CFAP299: variants seen among roughly 807,000 people sequenced by gnomAD.
CFAP299 encodes the protein cilia and flagella associated protein 299.
Under a neutral mutation model 27.0 loss-of-function variants are expected in CFAP299, and 21 were observed. That is an observed-to-expected ratio of 0.78 (90% confidence interval 0.55 to 1.12). The LOEUF is 1.12. CFAP299 is among the 50% of genes most tolerant of loss of function. CFAP299 has a pLI of 0.00. For synonymous variants in CFAP299, 104 were observed against 98.1 expected, an observed-to-expected ratio of 1.06 and a Z score of -0.36; for missense variants, 310 against 276.6, an observed-to-expected ratio of 1.12 and a Z score of -0.86.
At chr4:80,786,679 G>A (rs1727264129) in intron 3 of CFAP299, among the ~76,000 whole-genome samples, 1 of 151,994 alleles carries the variant, frequency 6.6e-6, no homozygotes, top group Non-Finnish European at 1.5e-5. Flanking sequence ...GTTTTTTACT[G>A]GAATCCTATC....
chr4:80,374,310 T>A (rs1560535727), intron 2 of CFAP299, among the ~76,000 whole-genome samples: 1 of 152,194 alleles, frequency 6.6e-6, no homozygotes, highest in East Asian at 1.9e-4. Flanking sequence ...TATTCCTTTT[T>A]TTCTTATCAG....
At chr4:80,661,419 T>C (rs111777489) in intron 3 of CFAP299, among the ~76,000 whole-genome samples, 10,546 of 151,980 alleles carry the variant, frequency 0.069, 821 homozygotes, top group African/African-American at 0.19. Flanking sequence ...ATTGTGAAGA[T>C]TTCATAGACA....
In CFAP299 at chr4:80,947,090, G is replaced by A. The variant is rs371195709; in HGVS notation, c.606+2151G>A. ...GAATGTGAACTGTTGCTTAAACATCGTTCAAATAATTTTAACTCAAACTCA... is the reference window on the plus strand; with the variant it reads ...GAATGTGAACTGTTGCTTAAACATCATTCAAATAATTTTAACTCAAACTCA... On this transcript the variant is annotated intron_variant, in intron 5 of 5. Transcript: ENST00000358105. Among the ~76,000 whole-genome samples the A allele has an allele frequency of 1.3e-4, 20 of 152,150 alleles. No individual in the cohort carries two copies. The South Asian group carries it at 1.9e-3, about 14-fold the overall frequency.
At chr4:80,726,877 ATG>A (rs1224232604) in intron 3 of CFAP299, among the ~76,000 whole-genome samples, 1 of 151,700 alleles carries the variant, frequency 6.6e-6, no homozygotes, top group Non-Finnish European at 1.5e-5. Flanking sequence ...GGATACAGGT[ATG>A]TGTTTATCAA....
At chr4:80,527,831 A>G (rs1259063304) in intron 2 of CFAP299, among the ~76,000 whole-genome samples, 1 of 152,184 alleles carries the variant, frequency 6.6e-6, no homozygotes, top group Non-Finnish European at 1.5e-5. Flanking sequence ...TATATAAAGA[A>G]AAGAATTGAT....
intron 2 of CFAP299, among the ~76,000 whole-genome samples, chr4:80,477,549 C>T (rs1470687426): frequency 1.3e-5 from 2 of 152,196 alleles, no homozygotes; most frequent in African/African-American, 4.8e-5. Flanking sequence ...TCTTATCCCA[C>T]GATCACACCT....
intron 3 of CFAP299, among the ~76,000 whole-genome samples, chr4:80,765,098 A>G (rs1451081606): frequency 6.6e-6 from 1 of 152,182 alleles, no homozygotes; most frequent in African/African-American, 2.4e-5. Flanking sequence ...TAATAATAAT[A>G]ATAGTAAAGA....
At chr4:80,632,028 C>T (rs1378600185) in intron 3 of CFAP299, among the ~76,000 whole-genome samples, 3 of 151,952 alleles carry the variant, frequency 2.0e-5, no homozygotes, top group African/African-American at 4.8e-5. Flanking sequence ...TTGCCTCTCC[C>T]GACCCTGAAG....
At chr4:80,339,131 C>G (rs1401827691) in intron 1 of CFAP299, among the ~76,000 whole-genome samples, 1 of 152,178 alleles carries the variant, frequency 6.6e-6, no homozygotes, top group African/African-American at 2.4e-5. Flanking sequence ...GCCATCTTCT[C>G]ATTCCATTAG....
At chr4:80,910,884 C>T (rs1353909487) in intron 4 of CFAP299, among the ~76,000 whole-genome samples, 1 of 152,032 alleles carries the variant, frequency 6.6e-6, no homozygotes, top group East Asian at 1.9e-4. Flanking sequence ...TCTGGGTTCT[C>T]TACAAGATTT....
At chr4:80,560,783 G>A (rs1274171182) in intron 2 of CFAP299, among the ~76,000 whole-genome samples, 1 of 152,118 alleles carries the variant, frequency 6.6e-6, no homozygotes, top group Non-Finnish European at 1.5e-5. Context: ...CTGAGTGCCA[G>A]CTCAGCTGCA....
intron 3 of CFAP299, among the ~76,000 whole-genome samples, chr4:80,737,905 C>A (rs1724008562): frequency 6.6e-6 from 1 of 152,030 alleles, no homozygotes. Flanking sequence ...CACTGTATCC[C>A]AGAGATTTTG....
rs999060043 is a variant in CFAP299 at position 80,335,975 on chromosome 4, C to A, written c.111+96C>A. The A allele has an allele frequency of 2.4e-5, 19 of 796,184 alleles. No homozygotes were observed. The Admixed American group carries it at 3.8e-4, about 16-fold the overall frequency. 49.3% of individuals were successfully genotyped at this position (796,184 alleles called of 1,614,324 possible). ...GGGCTGGTCGCCCCCTGGCGCTGGA[C>A]AGCTCAGCTGTCAGGCGCCGCGGTT... On this transcript the variant is annotated intron_variant, in intron 1 of 5. Coordinates refer to ENST00000358105, the MANE Select transcript of CFAP299 (RefSeq NM_152770.3).
chr4:80,915,528 G>A (rs1213005820), intron 4 of CFAP299, among the ~76,000 whole-genome samples: 1 of 151,960 alleles, frequency 6.6e-6, no homozygotes, highest in Non-Finnish European at 1.5e-5. Flanking sequence ...TCTAACAGCT[G>A]TGAGTTTATA....
At chr4:80,604,462 G>T (rs1312274596) in intron 3 of CFAP299, among the ~76,000 whole-genome samples, 2 of 152,206 alleles carry the variant, frequency 1.3e-5, no homozygotes, top group East Asian at 3.9e-4. Flanking sequence ...TGTCTTGACA[G>T]AATTGATGTC....
chr4:80,903,326 G>T (rs1489959965), intron 4 of CFAP299, among the ~76,000 whole-genome samples: 1 of 151,980 alleles, frequency 6.6e-6, no homozygotes, highest in Non-Finnish European at 1.5e-5. Flanking sequence ...ATTGGGGAAG[G>T]ATAAAGGGAA....
chr4:80,841,664 C>A (rs919546583), intron 3 of CFAP299, among the ~76,000 whole-genome samples: 2 of 152,016 alleles, frequency 1.3e-5, no homozygotes, highest in Non-Finnish European at 2.9e-5. Flanking sequence ...ATAACCTTCC[C>A]CAACATGTTC....
intron 4 of CFAP299, among the ~76,000 whole-genome samples, chr4:80,881,159 GT>G (rs1733684753): frequency 6.6e-6 from 1 of 152,202 alleles, no homozygotes; most frequent in African/African-American, 2.4e-5. Flanking sequence ...CCTCTATGGA[GT>G]GAGGTTCTTT....
Position 80,952,921 on chromosome 4 carries a change from C to T in CFAP299, c.606+7982C>T, listed in dbSNP as rs964704873. On this transcript the variant is annotated intron_variant, in intron 5 of 5. Transcript: ENST00000358105. ...TCCTAAAATCCTAACCTGTCATAGC[C>T]TTGAAATTGATCTTCTCAAAACGGA... Among the ~76,000 whole-genome samples the T allele has an allele frequency of 8.5e-5, 13 of 152,246 alleles. No homozygotes were observed. The South Asian group carries it at 2.7e-3, about 32-fold the overall frequency.
Sources: allele counts gnomAD v4.1 joint callset (sites outside exome capture counted in the v4.1 genomes callset), GRCh38; gene constraint gnomAD v4.1.1; transcripts MANE v1.5; gene names NCBI Gene and HGNC (gene_info 2026-07-23, HGNC 2026-07-21).